Variants in ARHGAP39 observed in about 807,000 individuals in gnomAD.
ARHGAP39 encodes rho GTPase-activating protein 39.
A neutral mutation model predicts 106.9 loss-of-function variants in ARHGAP39; 44 were observed. That is an observed-to-expected ratio of 0.41 (90% CI 0.32 to 0.53). The LOEUF (loss-of-function observed/expected upper bound fraction) is 0.53. Ranked by LOEUF, ARHGAP39 falls within the 20% of genes least tolerant of loss-of-function variation. The pLI is 0.21. For missense variants in ARHGAP39, 1,496 were observed against 1,577.3 expected (o/e 0.95, Z 0.87); for synonymous variants, 768 against 693.2 (o/e 1.11, Z -1.69).
At chr8:144,618,592 G>A (rs952479345) in intron 1 of ARHGAP39, among the ~76,000 whole-genome samples, 5 of 152,222 alleles carry the variant, frequency 3.3e-5, no homozygotes, top group South Asian at 2.1e-4. Flanking sequence ...CCGAGGACGC[G>A]CCTCAGCCAT....
rs1022732940 is a variant in ARHGAP39 at position 144,679,787 on chromosome 8, T to C, written c.-82+5899A>G. On this transcript the variant is annotated intron_variant, in intron 1 of 11. Transcript: ENST00000377307. The surrounding 1 kb of genome is among the most constrained non-coding windows in gnomAD (Gnocchi z 4.7). ...CGAGGTCAGGAGATCGAGACCATCC[T>C]GGCTAACACAGTGAAACCCCGTGTC... 6.6e-6 allele frequency among the ~76,000 whole-genome samples: 1 copy of C among 152,176 alleles called. No homozygotes were observed. Among genetic ancestry groups the C allele is most frequent in the African/African-American group, 2.4e-5 (1 of 41,434 alleles).
chr8:144,649,629 G>T (rs1271087353), intron 1 of ARHGAP39, among the ~76,000 whole-genome samples: 1 of 151,990 alleles, frequency 6.6e-6, no homozygotes, highest in African/African-American at 2.4e-5. Flanking sequence ...AATTAGCTGG[G>T]TGTGGTGGCA....
intron 1 of ARHGAP39, among the ~76,000 whole-genome samples, chr8:144,673,591 T>G (rs1027163221): frequency 6.6e-6 from 1 of 152,226 alleles, no homozygotes; most frequent in Admixed American, 6.5e-5. Flanking sequence ...CTCTACAGAT[T>G]CACTTCTTCT....
At chr8:144,680,463 C>T (rs1341517212) in intron 1 of ARHGAP39, among the ~76,000 whole-genome samples, 1 of 152,166 alleles carries the variant, frequency 6.6e-6, no homozygotes, top group Non-Finnish European at 1.5e-5. Context: ...CAGGGGGCTG[C>T]AGTGTACTGA....
chr8:144,534,052 G>A, intron 8 of ARHGAP39, 77 bp downstream of exon 8: 1 of 1,525,344 alleles, frequency 6.6e-7, no homozygotes, highest in Non-Finnish European at 9.0e-7. Flanking sequence ...CAAACTGCAG[G>A]CGGGGCTCCT....
intron 1 of ARHGAP39, among the ~76,000 whole-genome samples, chr8:144,639,789 G>C (rs760582430): frequency 6.6e-6 from 1 of 152,098 alleles, no homozygotes; most frequent in South Asian, 2.1e-4. Context: ...TGTCACCCTG[G>C]GAAAAGCAAC....
chr8:144,678,268 T>G (rs1487556145), intron 1 of ARHGAP39, among the ~76,000 whole-genome samples: 1 of 149,488 alleles, frequency 6.7e-6, no homozygotes, highest in East Asian at 1.9e-4. Flanking sequence ...TGACTCTCTC[T>G]CTAAAAAAAA....
At position 144,548,819 on chromosome 8, in the gene ARHGAP39, G is replaced by A. The variant is rs1019942543; in HGVS notation, c.597-330C>T. ...TGGGTGCTGTGCGGGTGTCTCCAGA[G>A]CTGCCTGAGCCGCCGGGCAGGCTCC... On this transcript the variant is annotated intron_variant, in intron 4 of 11. Transcript: ENST00000377307. This position sits in a 1 kb window ranked among gnomAD's most constrained non-coding sequence, Gnocchi z 7.4. Among the ~76,000 whole-genome samples, 5 of 152,212 alleles carry A rather than the reference G, an allele frequency of 3.3e-5. No individual in the cohort carries two copies. Among genetic ancestry groups the A allele is most frequent in the African/African-American group, 9.6e-5 (4 of 41,456 alleles).
At chr8:144,655,980 G>T (rs1249809176) in intron 1 of ARHGAP39, among the ~76,000 whole-genome samples, 1 of 152,028 alleles carries the variant, frequency 6.6e-6, no homozygotes, top group Non-Finnish European at 1.5e-5. Context: ...CAAACAAAAC[G>T]ATCAATCTAG....
rs990091117 is a variant in ARHGAP39, at chr8:144,646,571, G to A, written c.-82+39115C>T. Among the ~76,000 whole-genome samples the A allele has an allele frequency of 1.1e-4, 16 of 152,276 alleles. No individual in the cohort carries two copies. Among genetic ancestry groups the A allele is most frequent in the African/African-American group, 3.6e-4 (15 of 41,556 alleles). ...CAACTGGGGTGGGCACAGGCTGGCG[G>A]GCATGGAAGCCTCGTCCTTTCTGCA... is the stretch of plus-strand genomic sequence containing the variant. On this transcript the variant is annotated intron_variant, in intron 1 of 11. Coordinates refer to ENST00000377307, the MANE Select transcript of ARHGAP39 (RefSeq NM_025251.3). The surrounding 1 kb of genome is among the most constrained non-coding windows in gnomAD (Gnocchi z 5.7).
At chr8:144,542,229 C>G (rs1391828567) in intron 6 of ARHGAP39, among the ~76,000 whole-genome samples, 2 of 152,224 alleles carry the variant, frequency 1.3e-5, no homozygotes, top group Admixed American at 1.3e-4. Context: ...TGTCGAGAAC[C>G]TGTTGAGGGA....
chr8:144,601,138 A>ATG (rs1195336627), intron 2 of ARHGAP39, among the ~76,000 whole-genome samples: 2 of 38,048 alleles, frequency 5.3e-5, no homozygotes, highest in African/African-American at 1.0e-4. Flanking sequence ...GGAGGCGTGC[A>ATG]TGTGTGCTCG....
chr8:144,619,469 CGT>C (rs1387901064), intron 1 of ARHGAP39, among the ~76,000 whole-genome samples: 10 of 150,740 alleles, frequency 6.6e-5, no homozygotes, highest in East Asian at 2.0e-4. Flanking sequence ...CGCGTGAGCT[CGT>C]GTGTCCCTGA....
rs754856158 is a variant in ARHGAP39, at chr8:144,585,123, C to T, written c.81-3846G>A. Among the ~76,000 whole-genome samples the T allele has an allele frequency of 1.3e-5, 2 of 152,160 alleles. No homozygotes were observed. The highest frequency in any genetic ancestry group is 1.5e-5 in the Non-Finnish European group (1 of 68,016). On this transcript the variant is annotated intron_variant, in intron 2 of 11. Coordinates refer to ENST00000377307, the MANE Select transcript of ARHGAP39 (RefSeq NM_025251.3). This position sits in a 1 kb window ranked among gnomAD's most constrained non-coding sequence, Gnocchi z 4.6. ...TCTGAAGGGCTTAGACGCCCTCTCC[C>T]GATTGGCCCTGTGTCCCTCTCTGCT...
chr8:144,536,276 G>A (rs1259773485), intron 7 of ARHGAP39, among the ~76,000 whole-genome samples: 2 of 152,088 alleles, frequency 1.3e-5, no homozygotes, highest in Non-Finnish European at 2.9e-5. Flanking sequence ...TACTCTGCTC[G>A]GGGGCCAGGC....
rs1820204632 is a variant in ARHGAP39 at position 144,604,365 on chromosome 8, A to T, written c.80+1170T>A. Reference sequence around the variant, plus strand: ...AAAACTGTCAGACAAACCCAAACCAAGGAACTCTCTATTTTACTTTATTTA... The same window carrying T: ...AAAACTGTCAGACAAACCCAAACCATGGAACTCTCTATTTTACTTTATTTA... On this transcript the variant is annotated intron_variant, in intron 2 of 11. Coordinates refer to ENST00000377307, the MANE Select transcript of ARHGAP39 (RefSeq NM_025251.3). The surrounding 1 kb of genome is among the most constrained non-coding windows in gnomAD (Gnocchi z 4.1). Among the ~76,000 whole-genome samples the T allele has an allele frequency of 6.6e-6, 1 of 152,102 alleles. No individual in the cohort carries two copies. The highest frequency in any genetic ancestry group is 1.5e-5 in the Non-Finnish European group (1 of 68,002).
At chr8:144,557,640 A>T (rs1425570077) in intron 3 of ARHGAP39, among the ~76,000 whole-genome samples, 1 of 152,138 alleles carries the variant, frequency 6.6e-6, no homozygotes, top group Non-Finnish European at 1.5e-5. Context: ...TCAGAGGCAA[A>T]GGCTGAACCT....
chr8:144,549,354 T>TATGG (rs1340417314), intron 4 of ARHGAP39, among the ~76,000 whole-genome samples: 1 of 152,254 alleles, frequency 6.6e-6, no homozygotes, highest in East Asian at 1.9e-4. Context: ...GCCACTCGGG[T>TATGG]ATGGCTATTT....
In ARHGAP39 at chr8:144,591,039, T is replaced by G. The variant is rs1819372945; in HGVS notation, c.81-9762A>C. ...ACTGACCCTGGAGTGGGGCAATTCC[T>G]GGCAAAGCCCCCATCCCCCTGGTCC... On this transcript the variant is annotated intron_variant, in intron 2 of 11. Coordinates refer to ENST00000377307, the MANE Select transcript of ARHGAP39 (RefSeq NM_025251.3). This position sits in a 1 kb window ranked among gnomAD's most constrained non-coding sequence, Gnocchi z 5.3. Among the ~76,000 whole-genome samples the G allele has an allele frequency of 6.6e-6, 1 of 152,196 alleles. No homozygotes were observed. The highest frequency in any genetic ancestry group is 1.5e-5 in the Non-Finnish European group (1 of 68,026).
Sources: gnomAD v4.1 joint callset for allele counts (sites outside exome capture counted in the v4.1 genomes callset) on GRCh38, gnomAD v4.1.1 for gene constraint, Gnocchi (gnomAD v3.1) non-coding constraint, MANE v1.5 for transcripts, NCBI Gene and HGNC (gene_info 2026-07-23, HGNC 2026-07-21) for gene names.